Variants in SAFB observed in about 807,000 individuals in gnomAD.
SAFB encodes scaffold attachment factor B.
Under a neutral mutation model 101.6 loss-of-function variants are expected in SAFB, and 15 were observed. The ratio of observed to expected loss-of-function variants is 0.15; its 90% CI spans 0.10 to 0.23. The LOEUF is 0.23. Ranked by LOEUF, SAFB falls within the 10% of genes least tolerant of loss-of-function variation. The probability of loss-of-function intolerance (pLI) is 1.00; values close to 1 mark genes in which losing one functional copy is unlikely to be tolerated. For synonymous variants in SAFB, 449 were observed against 407.5 expected, an observed-to-expected ratio of 1.10 and a Z score of -1.23; for missense variants, 930 against 1,104.1, an observed-to-expected ratio of 0.84 and a Z score of 2.23.
chr19:5,655,692 G>A (rs370568709), intron 13 of SAFB, among the ~76,000 whole-genome samples: 1 of 152,088 alleles, frequency 6.6e-6, no homozygotes, highest in African/African-American at 2.4e-5. Context: ...TGAATGGAGC[G>A]GATTGCTTAG....
rs371156766 is a variant in SAFB at position 5,668,332 on chromosome 19, A to G, written c.*41A>G. 8.1e-6 allele frequency: 13 copies of G among 1,597,284 alleles called. No individual in the cohort carries two copies. Among genetic ancestry groups the G allele is most frequent in the African/African-American group, 5.4e-5 (4 of 73,898 alleles). ...TGTCCTGTCTCGTGGCAACAAGGCT[A>G]TGTTCTGTTAGGAGTTACCTTAAAC... On this transcript the variant is annotated 3_prime_UTR_variant, in exon 21 of 21. Coordinates refer to ENST00000588852, the MANE Select transcript of SAFB (RefSeq NM_001201338.2).
In SAFB at chr19:5,645,308, G is replaced by T. The variant is rs1000721035; in HGVS notation, c.547-29G>T. ...TATGTTACGTTATTGTTGGTGTGAT[G>T]AACTGTATTTTCTCCATTTATTTTA... On this transcript the variant is annotated intron_variant, in intron 4 of 20. Coordinates refer to ENST00000588852, the MANE Select transcript of SAFB (RefSeq NM_001201338.2). The T allele has an allele frequency of 7.7e-6, 7 of 903,364 alleles. No homozygotes were observed. In the Admixed American group the frequency reaches 8.7e-5, roughly 11 times the overall value. The allele number at this position is 903,364 out of a possible 1,614,324, so 56.0% of individuals were successfully genotyped here.
chr19:5,645,039 C>T (rs768320756), intron 4 of SAFB, among the ~76,000 whole-genome samples: 3 of 152,230 alleles, frequency 2.0e-5, no homozygotes. Flanking sequence ...AGAGGCTGTG[C>T]ACTCATTTTC....
At chr19:5,662,014 A>G (rs2054221143) in intron 15 of SAFB, among the ~76,000 whole-genome samples, 1 of 151,848 alleles carries the variant, frequency 6.6e-6, no homozygotes, top group South Asian at 2.1e-4. Context: ...CCTCCCGAGT[A>G]GCTGGGACTA....
chr19:5,641,037 G>T (rs1236384130), intron 2 of SAFB, among the ~76,000 whole-genome samples: 1 of 150,996 alleles, frequency 6.6e-6, no homozygotes, highest in Non-Finnish European at 1.5e-5. Flanking sequence ...TCAAGTGATT[G>T]TCCTGTATTT....
intron 14 of SAFB, among the ~76,000 whole-genome samples, chr19:5,658,797 C>T (rs1350828387): frequency 1.5e-4 from 22 of 149,158 alleles, no homozygotes; most frequent in East Asian, 2.0e-4. Flanking sequence ...GAGCCAAGAT[C>T]GCGCCACTGC....
At chr19:5,661,406 G>C in intron 14 of SAFB, 112 bp from the exon 15 acceptor site, 2 of 1,530,548 alleles carry the variant, frequency 1.3e-6, no homozygotes, top group Non-Finnish European at 1.8e-6. Flanking sequence ...TGCAGACCAC[G>C]TAGTGGACGC....
At chr19:5,661,852 G>A (rs762894876) in intron 15 of SAFB, 44 bp downstream of exon 15, 15 of 1,342,958 alleles carry the variant, frequency 1.1e-5, no homozygotes, top group Non-Finnish European at 1.4e-5. Context: ...GTTCAGAATC[G>A]TGTTAGGGAC....
chr19:5,654,452 A>T lies in SAFB; in HGVS notation c.1751A>T (p.Glu584Val), dbSNP rs201619022. The change falls in exon 13 of 21, where the codon GAG becomes GTG. Residue 584 changes from glutamate (E) to valine (V), a missense_variant. By Grantham distance (121) the Glu-to-Val change is moderately radical. Around this residue, in one of 7 missense-constraint regions of SAFB, gnomAD observed 159 missense variants for 234.1 expected, o/e 0.68. Coordinates refer to ENST00000588852, the MANE Select transcript of SAFB (RefSeq NM_001201338.2). ...AGTGTAAAAACGTCCGGGTCCAAAGAGAGAGTGAGTATTAATTTTCTAACT... is the reference window on the plus strand; with the variant it reads ...AGTGTAAAAACGTCCGGGTCCAAAGTGAGAGTGAGTATTAATTTTCTAACT... The part of the protein sequence containing the change: ...VISVKTSGSK[E>V]RASKSQDRKS... 1 of 1,582,958 alleles carries T rather than the reference A, an allele frequency of 6.3e-7. No homozygotes were observed. The highest frequency in any genetic ancestry group is 1.3e-5 in the African/African-American group (1 of 74,314).
intron 2 of SAFB, among the ~76,000 whole-genome samples, chr19:5,635,199 G>A (rs2053570700): frequency 6.6e-6 from 1 of 152,086 alleles, no homozygotes; most frequent in Admixed American, 6.6e-5. Context: ...ATTGGGGAAG[G>A]TGTAGGTGTT....
chr19:5,646,693 G>A (rs1457138996), intron 5 of SAFB, among the ~76,000 whole-genome samples: 3 of 152,212 alleles, frequency 2.0e-5, no homozygotes, highest in East Asian at 3.8e-4. Flanking sequence ...TCCTGGAATG[G>A]CAGGGCAGTT....
chr19:5,655,103 G>A (rs914387461), intron 13 of SAFB, among the ~76,000 whole-genome samples: 3 of 152,106 alleles, frequency 2.0e-5, no homozygotes, highest in African/African-American at 4.8e-5. Context: ...GGCCCATCTC[G>A]CCAGCCTCCC....
chr19:5,633,820 A>C (rs188236280), intron 2 of SAFB, among the ~76,000 whole-genome samples: 8 of 149,688 alleles, frequency 5.3e-5, no homozygotes, highest in African/African-American at 1.9e-4. Flanking sequence ...CTTGGAACTT[A>C]GATGTACTTC....
At chr19:5,628,266 G>T (rs559253227) in intron 2 of SAFB, among the ~76,000 whole-genome samples, 3 of 152,204 alleles carry the variant, frequency 2.0e-5, no homozygotes, top group African/African-American at 7.2e-5. Context: ...AAAAGAATCA[G>T]CTGAAGCTGG....
chr19:5,661,794 C>G lies in SAFB; in HGVS notation c.2139C>G (p.Pro713=). 2.6e-6 allele frequency: 4 copies of G among 1,550,240 alleles called. No individual in the cohort carries two copies. Among genetic ancestry groups the G allele is most frequent in the South Asian group, 2.4e-5 (2 of 84,198 alleles). ...EQERRPAVRR[P]YDLDRRDDAY... is the part of the protein sequence containing the mutation. ...AGCGGCGGCCCGCGGTGCGGCGGCCCTACGACCTGGACCGGTAAGCAGATC... is the reference window on the plus strand; with the variant it reads ...AGCGGCGGCCCGCGGTGCGGCGGCCGTACGACCTGGACCGGTAAGCAGATC... The change falls in exon 15 of 21, where the codon CCC becomes CCG. Residue 713 remains proline (P), a synonymous_variant. Transcript: ENST00000588852.
At chr19:5,661,923 C>G (rs1259830386) in intron 15 of SAFB, 115 bp downstream of exon 15, 2 of 813,826 alleles carry the variant, frequency 2.5e-6, no homozygotes, top group Non-Finnish European at 3.7e-6. Context: ...CTTGCTTTGT[C>G]GCGGAGGCTG....
chr19:5,668,369 ATT>A lies in SAFB; in HGVS notation c.*86_*87del. On this transcript the variant is annotated 3_prime_UTR_variant, in exon 21 of 21. Coordinates refer to ENST00000588852, the MANE Select transcript of SAFB (RefSeq NM_001201338.2). ...GAGTTACCTTAAACTGTGTAAAAAT[ATT>A]TTTTTTTAATCTGCTGCCATATTGT... is the stretch of plus-strand genomic sequence containing the variant. 1 of 1,459,934 alleles carries A rather than the reference ATT, an allele frequency of 6.8e-7. No homozygotes were observed. Among genetic ancestry groups the A allele is most frequent in the Non-Finnish European group, 9.1e-7 (1 of 1,103,250 alleles). 90.4% of individuals were successfully genotyped at this position (1,459,934 alleles called of 1,614,324 possible). A position where few individuals can be genotyped will look rare whatever the true frequency, so the allele number is the denominator to read the frequency against.
chr19:5,624,223 CTTT>C (rs551426304), intron 1 of SAFB, among the ~76,000 whole-genome samples: 1 of 138,666 alleles, frequency 7.2e-6, no homozygotes. Context: ...CTTTTCTATT[CTTT>C]TTTTTTTTTT....
intron 2 of SAFB, among the ~76,000 whole-genome samples, chr19:5,632,813 C>G (rs1316389810): frequency 2.6e-5 from 4 of 152,166 alleles, no homozygotes; most frequent in Non-Finnish European, 1.5e-5. Context: ...TTGTAGGTCA[C>G]TGCAACCCTG....
Sources: allele counts gnomAD v4.1 joint callset (sites outside exome capture counted in the v4.1 genomes callset), GRCh38; gene constraint gnomAD v4.1.1; regional missense constraint gnomAD v4.1.1; transcripts MANE v1.5; gene names NCBI Gene and HGNC (gene_info 2026-07-23, HGNC 2026-07-21).